NFIC: variants seen among roughly 807,000 people sequenced by gnomAD.
NFIC encodes the protein nuclear factor 1 C-type.
NFIC carries 12 observed loss-of-function variants against 54.4 expected under a neutral mutation model. That is an observed-to-expected ratio of 0.22 (90% CI 0.14 to 0.36). The LOEUF (loss-of-function observed/expected upper bound fraction) is 0.36. Among genes scored for constraint, NFIC ranks in the 10% least tolerant of loss-of-function variants. The pLI, the probability that NFIC is intolerant of heterozygous loss-of-function variation, is 1.00. For missense variants in NFIC, 575 were observed against 718.2 expected, an observed-to-expected ratio of 0.80 and a Z score of 2.28; for synonymous variants, 322 against 319.2, an observed-to-expected ratio of 1.01 and a Z score of -0.09.
Position 3,407,392 on chromosome 19 carries a change from C to T in NFIC, c.563-17714C>T, listed in dbSNP as rs141098802. ...CCTCCCAAAGTGCTGGGATTACAGG[C>T]GTGAGCCACCGCGCCCGGCCCAATT... On this transcript the variant is annotated intron_variant, in intron 2 of 10. Coordinates refer to ENST00000443272, the MANE Select transcript of NFIC (RefSeq NM_001245002.2). Among the ~76,000 whole-genome samples, 1,415 of 151,342 alleles carry T rather than the reference C, an allele frequency of 9.3e-3. 10 individuals carry two copies. Among genetic ancestry groups the T allele is most frequent in the Non-Finnish European group, 0.014 (947 of 67,878 alleles).
chr19:3,417,170 C>T lies in NFIC; in HGVS notation c.563-7936C>T, dbSNP rs1315215978. ...AAAGTGCTGGGATTACAGGCGTGTGCCACCACGCCTGGCCTAATCCCAGTG... is the reference window on the plus strand; with the variant it reads ...AAAGTGCTGGGATTACAGGCGTGTGTCACCACGCCTGGCCTAATCCCAGTG... On this transcript the variant is annotated intron_variant, in intron 2 of 10. Coordinates refer to ENST00000443272, the MANE Select transcript of NFIC (RefSeq NM_001245002.2). Among the ~76,000 whole-genome samples, 3 of 152,048 alleles carry T rather than the reference C, an allele frequency of 2.0e-5. No individual in the cohort carries two copies. The South Asian group carries it at 6.2e-4, about 32-fold the overall frequency.
At chr19:3,434,477 C>T in intron 5 of NFIC, 77 bp downstream of exon 5, 3 of 1,481,632 alleles carry the variant, frequency 2.0e-6, no homozygotes, top group Non-Finnish European at 2.7e-6. Flanking sequence ...CGAGCTGACT[C>T]ATTCCTCTCC....
At chr19:3,456,512 C>G in intron 9 of NFIC, 38 bp from the exon 10 acceptor site, 1 of 1,547,264 alleles carries the variant, frequency 6.5e-7, no homozygotes, top group Non-Finnish European at 8.7e-7. Context: ...TCCCACAACC[C>G]CTCGCTAACG....
Position 3,464,526 on chromosome 19 carries a change from G to GGGCCCCCC in NFIC, c.*1757_*1758insGGCCCCCC. ...GCTCAAACACAAGGACCCCTCCCCG[G>GGGCCCCCC]CCCACCCAGCCCAGCCCCAACTGAC... On this transcript the variant is annotated 3_prime_UTR_variant, in exon 11 of 11. Transcript: ENST00000443272. The GGGCCCCCC allele has an allele frequency of 1.1e-6, 1 of 935,202 alleles. No homozygotes were observed. Among genetic ancestry groups the GGGCCCCCC allele is most frequent in the Non-Finnish European group, 1.3e-6 (1 of 799,372 alleles). 57.9% of individuals were successfully genotyped at this position (935,202 alleles called of 1,614,324 possible).
At chr19:3,440,431 CT>C (rs774059880) in intron 6 of NFIC, among the ~76,000 whole-genome samples, 3,253 of 143,156 alleles carry the variant, frequency 0.023, 97 homozygotes, top group African/African-American at 0.07. Context: ...CTGGGCCACT[CT>C]TTTTTTTTTT....
chr19:3,414,592 C>CTAAAATAAAATAAAA (rs150304662), intron 2 of NFIC, among the ~76,000 whole-genome samples: 21 of 131,752 alleles, frequency 1.6e-4, no homozygotes, highest in Middle Eastern at 3.6e-3. Flanking sequence ...GAGACTGCAT[C>CTAAAATAAAATAAAA]TAAAATAAAA....
At chr19:3,364,158 T>TG (rs1555736881), upstream of NFIC, among the ~76,000 whole-genome samples, 37 of 140,874 alleles carry the variant, frequency 2.6e-4, no homozygotes, top group African/African-American at 9.4e-4. Context: ...GAGAGTGCTT[T>TG]GAAAAAAAAA....
rs1028253872 is a variant in NFIC at position 3,369,419 on chromosome 19, C to G, written c.30+2753C>G. Among the ~76,000 whole-genome samples the G allele has an allele frequency of 6.6e-6, 1 of 152,160 alleles. No homozygotes were observed. Among genetic ancestry groups the G allele is most frequent in the Non-Finnish European group, 1.5e-5 (1 of 68,012 alleles). On this transcript the variant is annotated intron_variant, in intron 1 of 10. Coordinates refer to ENST00000443272, the MANE Select transcript of NFIC (RefSeq NM_001245002.2). This position sits in a 1 kb window ranked among gnomAD's most constrained non-coding sequence, Gnocchi z 4.3. ...CTCTGTCTCTGGGCCTCCCTCTCCC[C>G]CTTTTCCCAGCTAATTTTACAACCT... is the stretch of plus-strand genomic sequence containing the variant.
chr19:3,467,906 C>G lies in NFIC; in HGVS notation c.*5137C>G, dbSNP rs953004142. Reference sequence around the variant, plus strand: ...TCTCTTTGGAGGGCGCTGGGACATACATCTCTCAATCCAGCTTCCTCCGCA... The same window carrying G: ...TCTCTTTGGAGGGCGCTGGGACATAGATCTCTCAATCCAGCTTCCTCCGCA... On this transcript the variant is annotated 3_prime_UTR_variant, in exon 11 of 11. Coordinates refer to ENST00000443272, the MANE Select transcript of NFIC (RefSeq NM_001245002.2). 6.6e-6 allele frequency: 1 copy of G among 151,350 alleles called. No individual in the cohort carries two copies. Among genetic ancestry groups the G allele is most frequent in the Non-Finnish European group, 1.5e-5 (1 of 67,918 alleles). The allele number at this position is 151,350 out of a possible 1,614,324, so 9.4% of individuals were successfully genotyped here.
At chr19:3,422,972 G>A (rs1289332106) in intron 2 of NFIC, among the ~76,000 whole-genome samples, 1 of 151,926 alleles carries the variant, frequency 6.6e-6, no homozygotes, top group Non-Finnish European at 1.5e-5. Flanking sequence ...CGAGGCGGGC[G>A]GATCACCTGA....
intron 2 of NFIC, among the ~76,000 whole-genome samples, chr19:3,400,864 A>C (rs1234721312): frequency 6.6e-6 from 1 of 152,224 alleles, no homozygotes; most frequent in Non-Finnish European, 1.5e-5. Flanking sequence ...TAATAAAAAT[A>C]AAAAGAAATA....
intron 1 of NFIC, among the ~76,000 whole-genome samples, chr19:3,380,024 G>A (rs1437901186): frequency 6.6e-6 from 1 of 150,638 alleles, no homozygotes; most frequent in Non-Finnish European, 1.5e-5. Context: ...TTTTTGAGAT[G>A]GAGTCTTGCT....
chr19:3,456,417 C>T (rs1307237434), intron 9 of NFIC, 133 bp from the exon 10 acceptor site: 4 of 804,210 alleles, frequency 5.0e-6, no homozygotes, highest in Admixed American at 2.5e-5. Flanking sequence ...GCGGCAGGCT[C>T]GGAGGCCCCA....
rs1481214741 is a variant in NFIC at position 3,382,261 on chromosome 19, G to C, written c.562+18G>C. 1 of 1,591,804 alleles carries C rather than the reference G, an allele frequency of 6.3e-7. No individual in the cohort carries two copies. ...TGAGCGAGGTGAGGTGTGGTGGCCT[G>C]AGCGGAGCGGCCAGCGGGGAGGGTG... On this transcript the variant is annotated intron_variant, in intron 2 of 10. Coordinates refer to ENST00000443272, the MANE Select transcript of NFIC (RefSeq NM_001245002.2).
In NFIC at chr19:3,464,779, G is replaced by T; in HGVS notation, c.*2010G>T. The T allele has an allele frequency of 1.1e-6, 1 of 917,434 alleles. No individual in the cohort carries two copies. The highest frequency in any genetic ancestry group is 1.8e-5 in the African/African-American group (1 of 55,992). The allele number at this position is 917,434 out of a possible 1,614,324, so 56.8% of individuals were successfully genotyped here. The stretch of plus-strand genomic sequence containing the variant: ...CCCAAGAGAGGTTCGCCATCCTCTG[G>T]CCTCGAGCCCTTGGTCCCTCCGTCC... On this transcript the variant is annotated 3_prime_UTR_variant, in exon 11 of 11. Coordinates refer to ENST00000443272, the MANE Select transcript of NFIC (RefSeq NM_001245002.2).
At chr19:3,450,831 A>G (rs2082451124) in intron 7 of NFIC, among the ~76,000 whole-genome samples, 1 of 152,190 alleles carries the variant, frequency 6.6e-6, no homozygotes, top group African/African-American at 2.4e-5. Context: ...CAAAGCAGCC[A>G]TTTGGGCCAG....
intron 6 of NFIC, among the ~76,000 whole-genome samples, chr19:3,441,890 C>G (rs569273763): frequency 5.0e-4 from 76 of 152,344 alleles, no homozygotes; most frequent in African/African-American, 1.7e-3. Flanking sequence ...CATCCTCCCC[C>G]CACCCTTCCC....
chr19:3,464,606 C>A lies in NFIC; in HGVS notation c.*1837C>A. ...CACTGCCCCCTCCCCCGACCCAGGC[C>A]AAAGCCAGGGCAGGTCTCCGGGTCT... On this transcript the variant is annotated 3_prime_UTR_variant, in exon 11 of 11. Transcript: ENST00000443272. 1 of 974,032 alleles carries A rather than the reference C, an allele frequency of 1.0e-6. No homozygotes were observed. The highest frequency in any genetic ancestry group is 1.2e-6 in the Non-Finnish European group (1 of 820,578). 60.3% of individuals were successfully genotyped at this position (974,032 alleles called of 1,614,324 possible). A position where few individuals can be genotyped will look rare whatever the true frequency, so the allele number is the denominator to read the frequency against.
In NFIC at chr19:3,459,829, G is replaced by A. The variant is rs180767364; in HGVS notation, c.1510-2923G>A. ...GGCGCTGGGAACCACTGTGGCGCCA[G>A]TTCCATGGGCTGGCCCAGTGGCTGC... On this transcript the variant is annotated intron_variant, in intron 10 of 10. Transcript: ENST00000443272. The surrounding 1 kb of genome is among the most constrained non-coding windows in gnomAD (Gnocchi z 4.2). Among the ~76,000 whole-genome samples, 115 of 152,378 alleles carry A rather than the reference G, an allele frequency of 7.5e-4. No homozygotes were observed. Among genetic ancestry groups the A allele is most frequent in the African/African-American group, 2.6e-3 (110 of 41,604 alleles).
Sources: allele counts gnomAD v4.1 joint callset (sites outside exome capture counted in the v4.1 genomes callset), GRCh38; gene constraint gnomAD v4.1.1; non-coding constraint Gnocchi (gnomAD v3.1); transcripts MANE v1.5; gene names NCBI Gene and HGNC (gene_info 2026-07-23, HGNC 2026-07-21).